The following CD163 variants were observed in gnomAD, a reference collection of about 807,000 sequenced individuals.
CD163 encodes scavenger receptor cysteine-rich type 1 protein M130.
Under a neutral mutation model 129.2 loss-of-function variants are expected in CD163, and 64 were observed. The observed-to-expected ratio is 0.50, with a 90% CI of 0.41 to 0.61. The LOEUF (loss-of-function observed/expected upper bound fraction) is 0.61, where lower values mean the gene tolerates loss of function less well. Among genes scored for constraint, CD163 ranks in the 20% least tolerant of loss-of-function variants. The pLI is 0.00. For missense variants in CD163, 1,061 were observed against 1,377.9 expected, an observed-to-expected ratio of 0.77 and a Z score of 3.64; for synonymous variants, 446 against 478.5, an observed-to-expected ratio of 0.93 and a Z score of 0.89.
intron 16 of CD163, among the ~76,000 whole-genome samples, chr12:7,479,547 T>C (rs6488338): frequency 0.79 from 119,629 of 152,056 alleles, 49,823 homozygotes; most frequent in Non-Finnish European, 0.92. Flanking sequence ...TGTAGATGTA[T>C]AATATGTCTT....
intron 6 of CD163, among the ~76,000 whole-genome samples, chr12:7,489,697 C>A (rs928360821): frequency 6.6e-6 from 1 of 151,938 alleles, no homozygotes; most frequent in African/African-American, 2.4e-5. Context: ...CTGTGTAATT[C>A]CTGTGAGGTA....
At chr12:7,493,295 G>C (rs1388275470) in intron 6 of CD163, among the ~76,000 whole-genome samples, 1 of 152,142 alleles carries the variant, frequency 6.6e-6, no homozygotes, top group African/African-American at 2.4e-5. Context: ...GCAACACTGG[G>C]GCCCATGAAG....
Position 7,496,306 on chromosome 12 carries a change from A to G in CD163, c.1099+507T>C, listed in dbSNP as rs1270411312. On this transcript the variant is annotated intron_variant, in intron 5 of 16. Coordinates refer to ENST00000432237, the MANE Select transcript of CD163 (RefSeq NM_203416.4). The surrounding 1 kb of genome is among the most constrained non-coding windows in gnomAD (Gnocchi z 4.8). ...AACACACGGACACAGGGAGGGGAAC[A>G]TCACACACTGGGGCCTGTCAATGGG... Among the ~76,000 whole-genome samples the G allele has an allele frequency of 6.6e-6, 1 of 151,816 alleles. No individual in the cohort carries two copies. The highest frequency in any genetic ancestry group is 2.4e-5 in the African/African-American group (1 of 41,286).
At position 7,471,205 on chromosome 12, in the gene CD163, T is replaced by C. The variant is rs1948998524; in HGVS notation, c.*224A>G. The C allele has an allele frequency of 6.6e-6, 1 of 152,312 alleles. No individual in the cohort carries two copies. The highest frequency in any genetic ancestry group is 1.5e-5 in the Non-Finnish European group (1 of 68,004). 9.4% of individuals were successfully genotyped at this position (152,312 alleles called of 1,614,324 possible). Reference sequence around the variant, plus strand: ...TAACATTCTTATTTATTTATTTAATTCCCTTGAAAGTCTCATATACACCAC... The same window carrying C: ...TAACATTCTTATTTATTTATTTAATCCCCTTGAAAGTCTCATATACACCAC... On this transcript the variant is annotated 3_prime_UTR_variant, in exon 17 of 17. Transcript: ENST00000432237.
chr12:7,486,319 C>T (rs1303142040), intron 10 of CD163, among the ~76,000 whole-genome samples, 180 bp downstream of exon 10: 6 of 152,232 alleles, frequency 3.9e-5, no homozygotes, highest in African/African-American at 1.4e-4. Context: ...TACAATGTTG[C>T]ACTACCTTGC....
At position 7,487,608 on chromosome 12, in the gene CD163, G is replaced by A. The variant is rs1444487446; in HGVS notation, c.1801C>T (p.Leu601Phe). Residue 601 changes from leucine to phenylalanine, a missense_variant, in exon 8 of 17, where the codon CTT becomes TTT. Leu to Phe is a conservative substitution (Grantham distance 22). Transcript: ENST00000432237. The surrounding 1 kb of genome is among the most constrained non-coding windows in gnomAD (Gnocchi z 5.1). Reference sequence around the variant, plus strand: ...TTACAGAGGGATCCCCAGGCACCAAGCGTTTTGAGCTCCACTCTGCCCTCA... The same window carrying A: ...TTACAGAGGGATCCCCAGGCACCAAACGTTTTGAGCTCCACTCTGCCCTCA... ...PCEGRVELKT[L>F]GAWGSLCNSH... is the part of the protein sequence containing the mutation. 1 of 1,614,116 alleles carries A rather than the reference G, an allele frequency of 6.2e-7. No homozygotes were observed. The highest frequency in any genetic ancestry group is 2.2e-5 in the East Asian group (1 of 44,868).
chr12:7,473,309 T>C (rs979760566), intron 16 of CD163: 62 of 152,164 alleles, frequency 4.1e-4, no homozygotes, highest in African/African-American at 2.4e-5. Flanking sequence ...GAAAAAATGT[T>C]AAGGGCACCA....
chr12:7,495,434 A>G (rs1344745198), intron 5 of CD163, 33 bp from the exon 6 acceptor site: 2 of 1,593,224 alleles, frequency 1.3e-6, no homozygotes, highest in South Asian at 1.1e-5. Context: ...AACCATCGAT[A>G]CATATGGAGG....
At chr12:7,491,562 C>T (rs1193124669) in intron 6 of CD163, among the ~76,000 whole-genome samples, 4 of 151,820 alleles carry the variant, frequency 2.6e-5, no homozygotes, top group Admixed American at 6.6e-5. Flanking sequence ...CTTTCTTTTT[C>T]TAGAAAAATA....
At position 7,482,027 on chromosome 12, in the gene CD163, T is replaced by G. The variant is rs143643906; in HGVS notation, c.3247+616A>C. On this transcript the variant is annotated intron_variant, in intron 14 of 16. Transcript: ENST00000432237. ...TACTCCCTTCTCTGTGCCACTTTTG[T>G]TCCTTTTTCCTATTAATGTAAAATG... Among the ~76,000 whole-genome samples, 51 of 152,316 alleles carry G rather than the reference T, an allele frequency of 3.3e-4. 2 individuals are homozygous for G. The South Asian group carries it at 0.01, about 30-fold the overall frequency.
rs374511072 is a variant in CD163 at position 7,486,591 on chromosome 12, T to C, written c.2366A>G (p.Asn789Ser). ...GPIWLDEMKCNGKESRIWQCH... is the reference protein window; with the variant it reads ...GPIWLDEMKCSGKESRIWQCH... The stretch of plus-strand genomic sequence containing the variant: ...CTGCCAAATGCGGGATTCTTTTCCA[T>C]TGCATTTCATCTCATCCAGCCAGAT... The change falls in exon 10 of 17, where the codon AAT becomes AGT. Residue 789 changes from asparagine to serine, a missense_variant. Coordinates refer to ENST00000432237, the MANE Select transcript of CD163 (RefSeq NM_203416.4). 3.2e-5 allele frequency: 51 copies of C among 1,614,212 alleles called. No homozygotes were observed. The African/African-American group carries it at 4.7e-4, about 15-fold the overall frequency.
rs1366792343 is a variant in CD163, at chr12:7,501,197, A to G, written c.399T>C (p.Asp133=). 2 of 1,614,174 alleles carry G rather than the reference A, an allele frequency of 1.2e-6. No individual in the cohort carries two copies. Among genetic ancestry groups the G allele is most frequent in the East Asian group, 2.2e-5 (1 of 44,886 alleles). ...TACAGTTACTATGCTTTCCCCATCCATCATGTTTGCAATCCCAAAGAGCTG... is the reference window on the plus strand; with the variant it reads ...TACAGTTACTATGCTTTCCCCATCCGTCATGTTTGCAATCCCAAAGAGCTG... ...NESALWDCKH[D]GWGKHSNCTH... The change falls in exon 3 of 17, where the codon GAT becomes GAC. Residue 133 remains aspartate, a synonymous_variant. Transcript: ENST00000432237.
Position 7,486,724 on chromosome 12 carries a change from C to T in CD163, c.2233G>A (p.Asp745Asn). 1 of 1,614,206 alleles carries T rather than the reference C, an allele frequency of 6.2e-7. No individual in the cohort carries two copies. Among genetic ancestry groups the T allele is most frequent in the Non-Finnish European group, 8.5e-7 (1 of 1,180,020 alleles). ...YHEGSWGTIC[D>N]DSWDLSDAHV... ...GCATCACTCAGGTCCCAGCTGTCAT[C>T]ACAGATGGTGCCCCAGGAGCCCTCA... The change falls in exon 10 of 17, where the codon GAT becomes AAT. Residue 745 changes from aspartate (D) to asparagine (N), a missense_variant. Coordinates refer to ENST00000432237, the MANE Select transcript of CD163 (RefSeq NM_203416.4).
Position 7,486,487 on chromosome 12 carries a change from T to C in CD163, c.2458+12A>G, listed in dbSNP as rs1197807188. On this transcript the variant is annotated intron_variant, in intron 10 of 16. Transcript: ENST00000432237. Reference sequence around the variant, plus strand: ...TATGTAATTATGACCAAAGGTCATATGCATAATTTACCTGAGCAGATAACT... The same window carrying C: ...TATGTAATTATGACCAAAGGTCATACGCATAATTTACCTGAGCAGATAACT... 18 of 1,608,534 alleles carry C rather than the reference T, an allele frequency of 1.1e-5. No homozygotes were observed. The highest frequency in any genetic ancestry group is 1.4e-5 in the Non-Finnish European group (16 of 1,176,340).
chr12:7,471,784 C>A (rs886616218), intron 16 of CD163: 4 of 152,300 alleles, frequency 2.6e-5, no homozygotes, highest in South Asian at 2.1e-4. Context: ...AGCAAGGGAG[C>A]CAAGTGGTCT....
chr12:7,487,088 G>C lies in CD163; in HGVS notation c.2051-102C>G. 2 of 951,320 alleles carry C rather than the reference G, an allele frequency of 2.1e-6. No homozygotes were observed. Among genetic ancestry groups the C allele is most frequent in the Middle Eastern group, 2.2e-4 (1 of 4,604 alleles). 58.9% of individuals were successfully genotyped at this position (951,320 alleles called of 1,614,324 possible). A position where few individuals can be genotyped will look rare whatever the true frequency, so the allele number is the denominator to read the frequency against. The stretch of plus-strand genomic sequence containing the variant: ...TGAGGACAAACATAGCTTAGAGAGA[G>C]AGGGGAAGGTGGATGGTCAACAAGT... On this transcript the variant is annotated intron_variant, in intron 8 of 16. Coordinates refer to ENST00000432237, the MANE Select transcript of CD163 (RefSeq NM_203416.4). The surrounding 1 kb of genome is among the most constrained non-coding windows in gnomAD (Gnocchi z 5.1).
Position 7,487,684 on chromosome 12 carries a change from A to C in CD163, c.1736-11T>G, listed in dbSNP as rs760797307. The C allele has an allele frequency of 1.3e-5, 21 of 1,613,990 alleles. No individual in the cohort carries two copies. Among genetic ancestry groups the C allele is most frequent in the Non-Finnish European group, 1.8e-5 (21 of 1,180,006 alleles). On this transcript the variant is annotated splice_polypyrimidine_tract_variant and intron_variant, in intron 7 of 16. Transcript: ENST00000432237. The surrounding 1 kb of genome is among the most constrained non-coding windows in gnomAD (Gnocchi z 5.1). ...GAATTTCTGTGTATCCTGGAAGGAG[A>C]CAGGGCTTTAGAAAAAGACAGCTAT...
At chr12:7,484,639 C>CAA (rs10690784) in intron 11 of CD163, among the ~76,000 whole-genome samples, 56,801 of 100,206 alleles carry the variant, frequency 0.57, 17,522 homozygotes, top group Non-Finnish European at 0.71. Context: ...AACTCTGTCT[C>CAA]AAAAAAAAAA....
chr12:7,503,521 C>T (rs1949521723), intron 1 of CD163, 124 bp downstream of exon 1: 1 of 579,948 alleles, frequency 1.7e-6, no homozygotes, highest in Non-Finnish European at 3.0e-6. Context: ...GCCATATAAG[C>T]CTATGTCCTT....
Sources: gnomAD v4.1 joint callset for allele counts (sites outside exome capture counted in the v4.1 genomes callset) on GRCh38, gnomAD v4.1.1 for gene constraint, Gnocchi (gnomAD v3.1) non-coding constraint, MANE v1.5 for transcripts, NCBI Gene and HGNC (gene_info 2026-07-23, HGNC 2026-07-21) for gene names.